The following TSEN2 variants were observed in gnomAD, a reference collection of about 807,000 sequenced individuals.
TSEN2 encodes the protein tRNA splicing endonuclease subunit 2.
In TSEN2, 54 loss-of-function variants were observed where a neutral mutation model predicts 59.2. That is an observed-to-expected ratio of 0.91 (90% CI 0.73 to 1.14). The LOEUF (loss-of-function observed/expected upper bound fraction) is 1.14, where lower values mean the gene tolerates loss of function less well. TSEN2 is among the 50% of genes most tolerant of loss of function. The pLI, the probability that TSEN2 is intolerant of heterozygous loss-of-function variation, is 0.00. For missense variants in TSEN2, 636 were observed against 576.2 expected (o/e 1.10, Z -1.06); for synonymous variants, 195 against 198.2 (o/e 0.98, Z 0.14).
intron 6 of TSEN2, among the ~76,000 whole-genome samples, chr3:12,512,525 A>G (rs2055582751): frequency 6.6e-6 from 1 of 152,188 alleles, no homozygotes; most frequent in South Asian, 2.1e-4. Flanking sequence ...TCTGTCTCTA[A>G]ATTGTTGATA....
At chr3:12,525,404 T>C (rs955112111) in intron 8 of TSEN2, among the ~76,000 whole-genome samples, 1 of 152,220 alleles carries the variant, frequency 6.6e-6, no homozygotes, top group Non-Finnish European at 1.5e-5. Context: ...ACCATAAGTA[T>C]AATCTAATAA....
chr3:12,531,530 A>G (rs770246651), intron 10 of TSEN2, 40 bp from the exon 11 acceptor site: 1 of 1,404,038 alleles, frequency 7.1e-7, no homozygotes, highest in South Asian at 1.2e-5. Context: ...TTGTACTATT[A>G]TTTTGTAGGA....
intron 10 of TSEN2, chr3:12,530,146 G>C (rs2057372439): frequency 1.5e-6 from 2 of 1,306,462 alleles, no homozygotes; most frequent in Non-Finnish European, 1.9e-6. Context: ...ATCTGATCTG[G>C]GTAGGCATTG....
chr3:12,514,290 C>G (rs2055815999), intron 6 of TSEN2, among the ~76,000 whole-genome samples: 2 of 152,152 alleles, frequency 1.3e-5, no homozygotes, highest in South Asian at 4.1e-4. Flanking sequence ...AGAAGTGCAG[C>G]CAGGACAGCT....
At chr3:12,481,895 A>ATGTGTG (rs1303096487), upstream of TSEN2, among the ~76,000 whole-genome samples, 1,603 of 80,814 alleles carry the variant, frequency 0.02, 29 homozygotes, top group African/African-American at 0.11. Context: ...CACAGTTGAT[A>ATGTGTG]TATGTGTGTG....
chr3:12,518,191 CT>C (rs2056318017), intron 7 of TSEN2, among the ~76,000 whole-genome samples: 1 of 152,190 alleles, frequency 6.6e-6, no homozygotes, highest in Non-Finnish European at 1.5e-5. Context: ...ACAAAATTGT[CT>C]TTTAAGCAGT....
intron 1 of TSEN2, among the ~76,000 whole-genome samples, chr3:12,485,796 C>T (rs1202020771): frequency 6.6e-6 from 1 of 152,174 alleles, no homozygotes; most frequent in Non-Finnish European, 1.5e-5. Context: ...TGACAACTGA[C>T]CCAGTCTTTC....
At chr3:12,531,954 C>G (rs1484706839) in intron 11 of TSEN2, among the ~76,000 whole-genome samples, 1 of 152,192 alleles carries the variant, frequency 6.6e-6, no homozygotes, top group Non-Finnish European at 1.5e-5. Flanking sequence ...CAGGACTTCT[C>G]ACAGGTCTCA....
At chr3:12,518,952 TC>T in intron 7 of TSEN2, 106 bp from the exon 8 acceptor site, 2 of 1,142,848 alleles carry the variant, frequency 1.8e-6, no homozygotes, top group Non-Finnish European at 2.6e-6. Flanking sequence ...AACTGCATTT[TC>T]TTCACTGCTT....
intron 8 of TSEN2, among the ~76,000 whole-genome samples, chr3:12,524,437 G>T (rs1483707211): frequency 6.6e-6 from 1 of 152,142 alleles, no homozygotes; most frequent in African/African-American, 2.4e-5. Flanking sequence ...TCCATTCCTT[G>T]TCTCTTCCAG....
intron 4 of TSEN2, among the ~76,000 whole-genome samples, chr3:12,501,612 G>A (rs2125034076): frequency 6.6e-6 from 1 of 151,218 alleles, no homozygotes; most frequent in South Asian, 2.1e-4. Context: ...GACATATTCA[G>A]TCTTTTTTTT....
At chr3:12,502,800 G>GCCAC (rs758628371) in intron 4 of TSEN2, among the ~76,000 whole-genome samples, 5 of 151,066 alleles carry the variant, frequency 3.3e-5, no homozygotes, top group African/African-American at 7.3e-5. Flanking sequence ...GAGGCCACAC[G>GCCAC]CGGTGGCTCA....
chr3:12,510,917 A>T (rs1403302208), intron 6 of TSEN2, among the ~76,000 whole-genome samples: 1 of 152,168 alleles, frequency 6.6e-6, no homozygotes, highest in Non-Finnish European at 1.5e-5. Context: ...AGGTTTGAAA[A>T]ACTACTCTAA....
downstream of TSEN2, among the ~76,000 whole-genome samples, chr3:12,535,724 G>T (rs144060964): frequency 2.0e-5 from 3 of 152,084 alleles, no homozygotes; most frequent in Non-Finnish European, 4.4e-5. Context: ...TAGAGACAGG[G>T]TTTCACCATG....
At chr3:12,520,731 A>G (rs2125175563) in intron 8 of TSEN2, among the ~76,000 whole-genome samples, 1 of 151,764 alleles carries the variant, frequency 6.6e-6, no homozygotes, top group East Asian at 1.9e-4. Flanking sequence ...CAGAGGTTGT[A>G]GTGAGCTGAG....
intron 8 of TSEN2, among the ~76,000 whole-genome samples, chr3:12,528,022 A>G (rs1048040930): frequency 4.6e-5 from 7 of 152,142 alleles, no homozygotes; most frequent in African/African-American, 1.7e-4. Context: ...GAATTCCCCC[A>G]TCTTCTTCAG....
intron 6 of TSEN2, among the ~76,000 whole-genome samples, chr3:12,512,138 A>G (rs948931214): frequency 5.3e-5 from 8 of 152,224 alleles, no homozygotes; most frequent in African/African-American, 1.9e-4. Context: ...GTCCTGGAAG[A>G]CACTTAGCAA....
intron 8 of TSEN2, among the ~76,000 whole-genome samples, chr3:12,523,037 T>G (rs796172): frequency 0.14 from 21,639 of 152,136 alleles, 1,900 homozygotes; most frequent in Non-Finnish European, 0.2. Flanking sequence ...GTTTGAGGTT[T>G]AGAAGGGTTA....
In TSEN2 at chr3:12,516,683, C is replaced by T. The variant is rs1356109840; in HGVS notation, c.960+22C>T. 1.9e-6 allele frequency: 3 copies of T among 1,610,672 alleles called. No individual in the cohort carries two copies. The South Asian group carries it at 3.3e-5, about 18-fold the overall frequency. On this transcript the variant is annotated intron_variant, in intron 7 of 11. Coordinates refer to ENST00000284995, the MANE Select transcript of TSEN2 (RefSeq NM_025265.4). ...GAAGGTAAGATGCTTTGTTTACATA[C>T]AACCCACTTAAAATTTCCCTGTTGT...
Sources: allele counts gnomAD v4.1 joint callset (sites outside exome capture counted in the v4.1 genomes callset), GRCh38; gene constraint gnomAD v4.1.1; transcripts MANE v1.5; gene names NCBI Gene and HGNC (gene_info 2026-07-23, HGNC 2026-07-21).